The following KLHL3 variants were observed in gnomAD, a reference collection of about 807,000 sequenced individuals.
KLHL3 encodes the protein kelch like family member 3, also known as kelch-like protein 3.
In KLHL3, 19 loss-of-function variants were observed where a neutral mutation model predicts 70.5. The observed-to-expected ratio is 0.27, with a 90% confidence interval of 0.19 to 0.40. The LOEUF (loss-of-function observed/expected upper bound fraction) is 0.40. Ranked by LOEUF, KLHL3 falls within the 10% of genes least tolerant of loss-of-function variation. KLHL3 has a pLI of 1.00. For missense variants in KLHL3, 512 were observed against 771.1 expected (o/e 0.66, Z 3.98); for synonymous variants, 258 against 290.3 (o/e 0.89, Z 1.13).
At chr5:137,711,984 T>C (rs1752800485) in intron 2 of KLHL3, among the ~76,000 whole-genome samples, 2 of 149,720 alleles carry the variant, frequency 1.3e-5, no homozygotes, top group Non-Finnish European at 3.0e-5. Flanking sequence ...TGAGACCCCT[T>C]CTCTACTAAA....
At chr5:137,686,439 A>C (rs920189108) in intron 5 of KLHL3, among the ~76,000 whole-genome samples, 1 of 152,256 alleles carries the variant, frequency 6.6e-6, no homozygotes, top group Admixed American at 6.5e-5. Flanking sequence ...TGATAGAGAG[A>C]AGAAAATAGG....
chr5:137,718,430 C>G (rs1439027572), intron 2 of KLHL3, among the ~76,000 whole-genome samples: 1 of 152,126 alleles, frequency 6.6e-6, no homozygotes, highest in African/African-American at 2.4e-5. Flanking sequence ...CTCAGGTGTT[C>G]AAGGTCACAG....
At chr5:137,685,681 A>C (rs1330789715) in intron 5 of KLHL3, among the ~76,000 whole-genome samples, 1 of 152,180 alleles carries the variant, frequency 6.6e-6, no homozygotes, top group African/African-American at 2.4e-5. Context: ...TACTGCTAAG[A>C]ATGTTTTTTT....
intron 5 of KLHL3, among the ~76,000 whole-genome samples, chr5:137,680,526 T>C (rs1638993910): frequency 6.6e-6 from 1 of 152,002 alleles, no homozygotes; most frequent in Non-Finnish European, 1.5e-5. Context: ...AGTCCAGTTC[T>C]GTGAGCAGCA....
rs2149942291 is a variant in KLHL3, at chr5:137,735,704, A to G, written c.-58T>C. On this transcript the variant is annotated 5_prime_UTR_variant, in exon 1 of 15. Coordinates refer to ENST00000309755, the MANE Select transcript of KLHL3 (RefSeq NM_017415.3). ...AACTGTGTATGCACTCGGGGATCCT[A>G]GTTCTGTTCTTGATTCTCCCAGCAG... 1 of 1,613,818 alleles carries G rather than the reference A, an allele frequency of 6.2e-7. No individual in the cohort carries two copies. The highest frequency in any genetic ancestry group is 8.5e-7 in the Non-Finnish European group (1 of 1,179,670).
At chr5:137,684,143 G>T (rs773154623) in intron 5 of KLHL3, among the ~76,000 whole-genome samples, 4 of 152,282 alleles carry the variant, frequency 2.6e-5, no homozygotes, top group Middle Eastern at 3.4e-3. Context: ...GTTAATATAT[G>T]ATCTTGGACA....
chr5:137,680,560 T>A (rs76668876), intron 5 of KLHL3, among the ~76,000 whole-genome samples: 4 of 151,932 alleles, frequency 2.6e-5, no homozygotes, highest in African/African-American at 9.7e-5. Flanking sequence ...TTTTTTTTTT[T>A]TGAGACAGAG....
At chr5:137,675,962 G>C (rs1189533363) in intron 6 of KLHL3, among the ~76,000 whole-genome samples, 1 of 152,114 alleles carries the variant, frequency 6.6e-6, no homozygotes, top group East Asian at 1.9e-4. Context: ...CCTTCCAATT[G>C]TGCCAATTTG....
At chr5:137,655,993 GAA>G (rs11442441) in intron 8 of KLHL3, among the ~76,000 whole-genome samples, 2,937 of 107,888 alleles carry the variant, frequency 0.027, 84 homozygotes, top group African/African-American at 0.099. Context: ...TCTGCCTCAA[GAA>G]AAAAAAAAAA....
chr5:137,660,574 A>G (rs940709614), intron 7 of KLHL3: 1 of 152,216 alleles, frequency 6.6e-6, no homozygotes, highest in Non-Finnish European at 1.5e-5. Context: ...GCTTGCAAGC[A>G]TATCCCTCAG....
intron 11 of KLHL3, among the ~76,000 whole-genome samples, chr5:137,636,062 C>T (rs558493434): frequency 3.3e-5 from 5 of 152,308 alleles, no homozygotes; most frequent in Non-Finnish European, 5.9e-5. Context: ...AAAGCACTTA[C>T]ACTTGGCAGA....
intron 5 of KLHL3, 46 bp from the exon 6 acceptor site, chr5:137,677,700 C>T: frequency 8.4e-7 from 1 of 1,196,488 alleles, no homozygotes; most frequent in Non-Finnish European, 1.2e-6. Flanking sequence ...AAAGTTGTAA[C>T]ACACTTCTGC....
chr5:137,674,792 T>C (rs532394290), intron 6 of KLHL3, among the ~76,000 whole-genome samples: 9 of 152,350 alleles, frequency 5.9e-5, no homozygotes, highest in African/African-American at 1.7e-4. Flanking sequence ...GGAAAGGTTA[T>C]TATGCATGCA....
At chr5:137,632,435 G>C (rs1350478549) in intron 12 of KLHL3, among the ~76,000 whole-genome samples, 1 of 152,124 alleles carries the variant, frequency 6.6e-6, no homozygotes, top group Non-Finnish European at 1.5e-5. Flanking sequence ...AATAAATGGT[G>C]TTGTATGTGG....
chr5:137,702,401 G>C (rs1315619026), intron 3 of KLHL3, among the ~76,000 whole-genome samples: 1 of 152,170 alleles, frequency 6.6e-6, no homozygotes, highest in Non-Finnish European at 1.5e-5. Context: ...AGACAGAATA[G>C]TATATACAAA....
At chr5:137,698,540 C>T (rs1371410253) in intron 3 of KLHL3, 132 bp from the exon 4 acceptor site, 2 of 1,017,254 alleles carry the variant, frequency 2.0e-6, no homozygotes, top group East Asian at 2.4e-5. Flanking sequence ...AGAAGGGATT[C>T]AGGCACAGAA....
chr5:137,681,615 G>A (rs1752027521), intron 5 of KLHL3, among the ~76,000 whole-genome samples: 1 of 152,146 alleles, frequency 6.6e-6, no homozygotes. Context: ...AGATCCTGGG[G>A]GAGGGATGCA....
chr5:137,659,635 C>T (rs970160541), intron 7 of KLHL3, among the ~76,000 whole-genome samples: 1 of 152,266 alleles, frequency 6.6e-6, no homozygotes, highest in Admixed American at 6.5e-5. Flanking sequence ...AGGAGAAATG[C>T]ATGAGCAGCT....
intron 5 of KLHL3, among the ~76,000 whole-genome samples, chr5:137,681,569 G>C (rs1752025819): frequency 2.0e-5 from 3 of 152,174 alleles, no homozygotes; most frequent in South Asian, 2.1e-4. Flanking sequence ...GAGCTCTGCA[G>C]GCTCTTGGAG....
Sources: gnomAD v4.1 joint callset for allele counts (sites outside exome capture counted in the v4.1 genomes callset) on GRCh38, gnomAD v4.1.1 for gene constraint, MANE v1.5 for transcripts, NCBI Gene and HGNC (gene_info 2026-07-23, HGNC 2026-07-21) for gene names.